CLUL1: variants seen among roughly 807,000 people sequenced by gnomAD.
CLUL1 encodes clusterin like 1, also known as clusterin-like protein 1.
In CLUL1, 43 loss-of-function variants were observed where a neutral mutation model predicts 49.4. The observed-to-expected ratio is 0.87, with a 90% confidence interval of 0.68 to 1.12. CLUL1 has a LOEUF of 1.12. Among genes scored for constraint, CLUL1 ranks in the 50% most tolerant of loss-of-function variants. The pLI is 0.00. For missense variants in CLUL1, 486 were observed against 544.4 expected, an observed-to-expected ratio of 0.89 and a Z score of 1.07; for synonymous variants, 192 against 184.9, an observed-to-expected ratio of 1.04 and a Z score of -0.31.
chr18:613,376 G>A (rs1046990356), intron 2 of CLUL1: 3 of 274,202 alleles, frequency 1.1e-5, no homozygotes, highest in Non-Finnish European at 2.0e-5. Flanking sequence ...TGACCCAAGT[G>A]ATCTGCCTGC....
chr18:632,604 TAATCA>T (rs1472825143), intron 6 of CLUL1, among the ~76,000 whole-genome samples: 1 of 152,154 alleles, frequency 6.6e-6, no homozygotes, highest in Non-Finnish European at 1.5e-5. Flanking sequence ...ATTTTTAAAG[TAATCA>T]AATATATAAA....
Position 606,344 on chromosome 18 carries a change from G to A in CLUL1, c.-135-634G>A, listed in dbSNP as rs553953447. Among the ~76,000 whole-genome samples, 1 of 152,254 alleles carries A rather than the reference G, an allele frequency of 6.6e-6. No homozygotes were observed. Among genetic ancestry groups the A allele is most frequent in the East Asian group, 1.9e-4 (1 of 5,184 alleles). ...TGACTCTAGGGGAAAAACAGCACAG[G>A]GCAGGAAACGATTTTCCATGTCACC... On this transcript the variant is annotated intron_variant, in intron 1 of 9. Transcript: ENST00000692774. The surrounding 1 kb of genome is among the most constrained non-coding windows in gnomAD (Gnocchi z 4.1).
intron 1 of CLUL1, among the ~76,000 whole-genome samples, chr18:599,436 G>T (rs1365650923): frequency 6.6e-6 from 1 of 152,210 alleles, no homozygotes; most frequent in Admixed American, 6.5e-5. Flanking sequence ...GCCTGGGACA[G>T]TAGAAGATGC....
At position 618,018 on chromosome 18, in the gene CLUL1, GGT is replaced by G; in HGVS notation, c.21_22del (p.Phe8TyrfsTer24). On this transcript the variant is annotated frameshift_variant, in exon 3 of 10. Transcript: ENST00000692774. LOFTEE classifies it high-confidence loss of function. This position sits in a 1 kb window ranked among gnomAD's most constrained non-coding sequence, Gnocchi z 4.2. MKPPLL[V>X]FIVCLLWLKD... ...GCGGGAACATGAAGCCGCCACTCTT[GGT>G]GTTTATTGTGTGTCTGCTGTGGTTG... is the stretch of plus-strand genomic sequence containing the variant. The G allele has an allele frequency of 1.2e-6, 2 of 1,614,086 alleles. No individual in the cohort carries two copies. The highest frequency in any genetic ancestry group is 1.6e-4 in the Middle Eastern group (1 of 6,062).
At position 649,862 on chromosome 18, in the gene CLUL1, AT is replaced by A. The variant is rs1228708339; in HGVS notation, c.1398-32del. On this transcript the variant is annotated intron_variant, in intron 9 of 9. Coordinates refer to ENST00000692774, the MANE Select transcript of CLUL1 (RefSeq NM_001393344.1). ...CTGAGTCTGTGAGTAATTTATTAGT[AT>A]TTTGATCATTGCTGCCTTTTTTTTT... is the stretch of plus-strand genomic sequence containing the variant. 5.5e-6 allele frequency: 7 copies of A among 1,267,104 alleles called. No homozygotes were observed. In the East Asian group the frequency reaches 1.4e-4, roughly 25 times the overall value. 78.5% of individuals were successfully genotyped at this position (1,267,104 alleles called of 1,614,324 possible). A position where few individuals can be genotyped will look rare whatever the true frequency, so the allele number is the denominator to read the frequency against.
intron 7 of CLUL1, among the ~76,000 whole-genome samples, chr18:638,854 T>A (rs2074239335): frequency 6.8e-6 from 1 of 146,090 alleles, no homozygotes; most frequent in Non-Finnish European, 1.5e-5. Context: ...CGAGACTTTG[T>A]CTCAGGAAAA....
chr18:642,975 TCTCAGGCA>T (rs1270803370), intron 8 of CLUL1, among the ~76,000 whole-genome samples: 1 of 152,198 alleles, frequency 6.6e-6, no homozygotes, highest in Admixed American at 6.5e-5. Context: ...TCTGTCAGAA[TCTCAGGCA>T]CTGCTTCTAG....
At chr18:635,063 C>G (rs2074099960) in intron 7 of CLUL1, among the ~76,000 whole-genome samples, 1 of 152,142 alleles carries the variant, frequency 6.6e-6, no homozygotes, top group Non-Finnish European at 1.5e-5. Flanking sequence ...ACAACACTAG[C>G]TAGAGATTTG....
intron 9 of CLUL1, among the ~76,000 whole-genome samples, chr18:648,889 C>T (rs1251072402): frequency 6.6e-6 from 1 of 152,082 alleles, no homozygotes; most frequent in African/African-American, 2.4e-5. Flanking sequence ...AACTCCTGGC[C>T]TCAAGTGATC....
At chr18:647,753 T>C (rs527737181) in intron 9 of CLUL1, among the ~76,000 whole-genome samples, 1 of 152,264 alleles carries the variant, frequency 6.6e-6, no homozygotes, top group South Asian at 2.1e-4. Context: ...TCAGGGGCAA[T>C]ATACCCTCTT....
chr18:628,853 G>A (rs541449411), intron 6 of CLUL1, among the ~76,000 whole-genome samples: 58 of 151,716 alleles, frequency 3.8e-4, no homozygotes, highest in Non-Finnish European at 5.2e-4. Flanking sequence ...GGCTGGTCTC[G>A]AACTCCTGAC....
chr18:642,920 C>T (rs899885127), intron 8 of CLUL1, among the ~76,000 whole-genome samples: 5 of 152,216 alleles, frequency 3.3e-5, no homozygotes, highest in South Asian at 2.1e-4. Flanking sequence ...TTGCTTTCCT[C>T]ATCCCCTTAA....
rs562234612 is a variant in CLUL1, at chr18:642,157, G to A, written c.1209+616G>A. Among the ~76,000 whole-genome samples the A allele has an allele frequency of 2.0e-5, 3 of 152,300 alleles. No homozygotes were observed. In the East Asian group the frequency reaches 5.8e-4, roughly 29 times the overall value. ...CATAAAAATACATTGCCAGCTGGGC[G>A]CAGTGGCTTATGCCTGTAATCCCAG... On this transcript the variant is annotated intron_variant, in intron 8 of 9. Transcript: ENST00000692774.
At chr18:630,073 A>T (rs2073946502) in intron 6 of CLUL1, among the ~76,000 whole-genome samples, 1 of 152,198 alleles carries the variant, frequency 6.6e-6, no homozygotes, top group Admixed American at 6.5e-5. Context: ...GTAAGGATGC[A>T]GATGGAAATC....
chr18:603,068 A>G (rs2072876039), intron 1 of CLUL1, among the ~76,000 whole-genome samples: 7 of 152,208 alleles, frequency 4.6e-5, no homozygotes, highest in Admixed American at 4.6e-4. Flanking sequence ...TATTCTGTGA[A>G]CAATCAGAAT....
chr18:610,908 A>G (rs1438297172), intron 2 of CLUL1, among the ~76,000 whole-genome samples: 2 of 152,008 alleles, frequency 1.3e-5, no homozygotes, highest in East Asian at 3.9e-4. Context: ...AAAGAGATGA[A>G]TGCATAACCT....
intron 7 of CLUL1, among the ~76,000 whole-genome samples, chr18:640,492 A>G (rs187081594): frequency 2.3e-4 from 35 of 151,918 alleles, no homozygotes; most frequent in Admixed American, 1.8e-3. Flanking sequence ...GTTCTGGATA[A>G]TTTTTCTTTT....
At chr18:649,637 A>T (rs2074619181) in intron 9 of CLUL1, 1 of 373,898 alleles carries the variant, frequency 2.7e-6, no homozygotes, top group Non-Finnish European at 4.8e-6. Flanking sequence ...CAGAATAAAC[A>T]CTTTATTATC....
At chr18:609,072 A>G (rs561524261) in intron 2 of CLUL1, among the ~76,000 whole-genome samples, 1 of 152,300 alleles carries the variant, frequency 6.6e-6, no homozygotes, top group Admixed American at 6.5e-5. Flanking sequence ...ACACAATGAG[A>G]TATCTTGGGG....
Sources: allele counts gnomAD v4.1 joint callset (sites outside exome capture counted in the v4.1 genomes callset), GRCh38; gene constraint gnomAD v4.1.1; non-coding constraint Gnocchi (gnomAD v3.1); transcripts MANE v1.5; gene names NCBI Gene and HGNC (gene_info 2026-07-23, HGNC 2026-07-21).